The following DYSF variants were observed in gnomAD, a reference collection of about 807,000 sequenced individuals.
DYSF encodes dystrophy-associated fer-1-like 1.
Under a neutral mutation model 274.9 loss-of-function variants are expected in DYSF, and 212 were observed. That is an observed-to-expected ratio of 0.77 (90% CI 0.69 to 0.86). The LOEUF (loss-of-function observed/expected upper bound fraction) is 0.86, where lower values mean the gene tolerates loss of function less well. Ranked by LOEUF, DYSF falls within the 40% of genes least tolerant of loss-of-function variation. The probability of loss-of-function intolerance (pLI) is 0.00; values close to 1 mark genes in which losing one functional copy is unlikely to be tolerated. For missense variants in DYSF, 2,666 were observed against 2,783.2 expected (o/e 0.96, Z 0.95); for synonymous variants, 1,091 against 1,078.7 (o/e 1.01, Z -0.22).
intron 41 of DYSF, among the ~76,000 whole-genome samples, chr2:71,626,423 A>G (rs1306407106): frequency 7.5e-6 from 1 of 133,440 alleles, no homozygotes; most frequent in Non-Finnish European, 1.6e-5. Flanking sequence ...TTAATATATA[A>G]TACATAATTA....
At chr2:71,672,342 C>T (rs994046590) in intron 51 of DYSF, among the ~76,000 whole-genome samples, 1 of 152,188 alleles carries the variant, frequency 6.6e-6, no homozygotes, top group Non-Finnish European at 1.5e-5. Context: ...CGTGCAGGGG[C>T]ACTGCACAGC....
intron 13 of DYSF, among the ~76,000 whole-genome samples, chr2:71,527,056 C>T (rs2088007890): frequency 6.6e-6 from 1 of 152,228 alleles, no homozygotes; most frequent in Admixed American, 6.5e-5. Context: ...TTCTAGAGCT[C>T]TGGTTATCAA....
chr2:71,605,437 C>T (rs17583412), intron 36 of DYSF, among the ~76,000 whole-genome samples: 1 of 152,024 alleles, frequency 6.6e-6, no homozygotes, highest in African/African-American at 2.4e-5. Context: ...CTGAGGTGAT[C>T]GTGGGTCCCT....
At chr2:71,602,532 C>T (rs779365993) in intron 35 of DYSF, among the ~76,000 whole-genome samples, 6 of 152,178 alleles carry the variant, frequency 3.9e-5, no homozygotes, top group Non-Finnish European at 7.3e-5. Flanking sequence ...CCTTTCCCAG[C>T]GTCCCTCTGC....
At chr2:71,485,554 G>A (rs113817475) in intron 3 of DYSF, among the ~76,000 whole-genome samples, 681 of 152,278 alleles carry the variant, frequency 4.5e-3, no homozygotes, top group Non-Finnish European at 7.3e-3. Flanking sequence ...GGCCTCCTCA[G>A]CTGTTTTCAG....
At position 71,538,655 on chromosome 2, in the gene DYSF, A is replaced by G. The variant is rs183740983; in HGVS notation, c.1494-502A>G. ...CCCCATTACATACAAAGTCAGATACAAAAAGGAATCGTGTATTACCATTGG... is the reference window on the plus strand; with the variant it reads ...CCCCATTACATACAAAGTCAGATACGAAAAGGAATCGTGTATTACCATTGG... On this transcript the variant is annotated intron_variant, in intron 16 of 55. Transcript: ENST00000410020. Among the ~76,000 whole-genome samples the G allele has an allele frequency of 1.9e-3, 289 of 152,350 alleles. 1 individual carries two copies. The highest frequency in any genetic ancestry group is 6.1e-3 in the African/African-American group (255 of 41,574).
chr2:71,679,569 A>G (rs2095270630), intron 53 of DYSF, among the ~76,000 whole-genome samples: 2 of 152,136 alleles, frequency 1.3e-5, no homozygotes, highest in Admixed American at 1.3e-4. Context: ...GGCGGGGGTC[A>G]TGCCTCTCCC....
intron 30 of DYSF, among the ~76,000 whole-genome samples, chr2:71,580,416 G>T (rs972700822): frequency 3.3e-5 from 5 of 152,246 alleles, no homozygotes; most frequent in Non-Finnish European, 5.9e-5. Flanking sequence ...TTCCAGAGAG[G>T]AGTAATTTGG....
chr2:71,523,070 C>T (rs1019043129), intron 12 of DYSF, among the ~76,000 whole-genome samples: 6 of 152,180 alleles, frequency 3.9e-5, no homozygotes, highest in Non-Finnish European at 8.8e-5. Context: ...AGGTTTATTT[C>T]TCTCTCATGA....
Position 71,667,396 on chromosome 2 carries a change from C to A in DYSF, c.5338C>A (p.Pro1780Thr). ...GGCAGAGGCTGGCAGGATCCCAAACCCACACCTGGGCCCAGTGGAGGAGCG... is the reference window on the plus strand; with the variant it reads ...GGCAGAGGCTGGCAGGATCCCAAACACACACCTGGGCCCAGTGGAGGAGCG... Reference protein sequence around the residue: ...EEIEAGRIPNPHLGPVEERLA... With the variant: ...EEIEAGRIPNTHLGPVEERLA... The change falls in exon 48 of 56, where the codon CCA (proline) becomes ACA (threonine). Residue 1780 changes from proline to threonine, a missense_variant. Pro to Thr is a conservative substitution (Grantham distance 38). This residue lies in a region of DYSF where 1,460 missense variants were observed against 1,502.1 expected (regional missense o/e 0.97). Coordinates refer to ENST00000410020, the MANE Select transcript of DYSF (RefSeq NM_001130987.2). The A allele has an allele frequency of 6.2e-7, 1 of 1,614,144 alleles. No homozygotes were observed. Among genetic ancestry groups the A allele is most frequent in the Non-Finnish European group, 8.5e-7 (1 of 1,180,036 alleles).
chr2:71,543,854 AAG>A (rs2090206421), intron 17 of DYSF, among the ~76,000 whole-genome samples: 1 of 147,510 alleles, frequency 6.8e-6, no homozygotes, highest in Non-Finnish European at 1.5e-5. Context: ...AGACCGTGGA[AAG>A]AGAGGGAGAG....
At chr2:71,621,796 A>G (rs923362341) in intron 41 of DYSF, among the ~76,000 whole-genome samples, 5 of 152,022 alleles carry the variant, frequency 3.3e-5, no homozygotes, top group African/African-American at 1.2e-4. Context: ...AGTAGCTGGG[A>G]CTACAGGTGC....
intron 29 of DYSF, among the ~76,000 whole-genome samples, chr2:71,572,958 A>G (rs1456468643): frequency 1.3e-5 from 2 of 152,198 alleles, no homozygotes. Flanking sequence ...CATCGTGCAC[A>G]TGGATGAGCA....
At chr2:71,491,834 T>A (rs112276760) in intron 3 of DYSF, among the ~76,000 whole-genome samples, 191 of 152,338 alleles carry the variant, frequency 1.3e-3, no homozygotes, top group Middle Eastern at 3.4e-3. Flanking sequence ...TTAGGTTGAT[T>A]CTATGTCTTT....
At chr2:71,507,585 C>CA (rs964701023) in intron 4 of DYSF, among the ~76,000 whole-genome samples, 11 of 152,192 alleles carry the variant, frequency 7.2e-5, no homozygotes, top group African/African-American at 2.7e-4. Context: ...TTGGCCCTGG[C>CA]AGGTGCCCAA....
intron 21 of DYSF, 72 bp downstream of exon 21, chr2:71,554,003 C>T: frequency 6.2e-7 from 1 of 1,606,634 alleles, no homozygotes; most frequent in South Asian, 1.1e-5. Flanking sequence ...TGGGGTGTCT[C>T]AGACCACCAC....
intron 41 of DYSF, among the ~76,000 whole-genome samples, chr2:71,631,472 C>T (rs1409315251): frequency 6.6e-6 from 1 of 152,134 alleles, no homozygotes; most frequent in East Asian, 1.9e-4. Flanking sequence ...GCCTGGCCTC[C>T]CCCCACTCCT....
At chr2:71,506,240 A>G (rs1425046212) in intron 4 of DYSF, among the ~76,000 whole-genome samples, 1 of 152,148 alleles carries the variant, frequency 6.6e-6, no homozygotes, top group Non-Finnish European at 1.5e-5. Context: ...AGGACCCCAG[A>G]GCCTGACCAC....
intron 41 of DYSF, among the ~76,000 whole-genome samples, chr2:71,638,518 T>G (rs2094440682): frequency 6.6e-6 from 1 of 152,202 alleles, no homozygotes; most frequent in African/African-American, 2.4e-5. Flanking sequence ...TGGCAACCAC[T>G]AAATATTTTT....
Sources: allele counts gnomAD v4.1 joint callset (sites outside exome capture counted in the v4.1 genomes callset), GRCh38; gene constraint gnomAD v4.1.1; regional missense constraint gnomAD v4.1.1; transcripts MANE v1.5; gene names NCBI Gene and HGNC (gene_info 2026-07-23, HGNC 2026-07-21).